Variants in PITRM1 observed in about 807,000 individuals in gnomAD.
The protein encoded by PITRM1 is pitrilysin metallopeptidase 1.
In PITRM1, 100 loss-of-function variants were observed where a neutral mutation model predicts 129.9. The observed-to-expected ratio is 0.77, with a 90% confidence interval of 0.65 to 0.91. The LOEUF is 0.91. Ranked by LOEUF, PITRM1 falls within the 40% of genes least tolerant of loss-of-function variation. The probability of loss-of-function intolerance (pLI) is 0.00; values close to 1 mark genes in which losing one functional copy is unlikely to be tolerated. For synonymous variants in PITRM1, 591 were observed against 508.8 expected (o/e 1.16, Z -2.17); for missense variants, 1,471 against 1,318.3 (o/e 1.12, Z -1.79).
rs568347765 is a variant in PITRM1, at chr10:3,139,074, G to A, written c.2772-25C>T. ...CCTAGGAAACCCAGAGAAATAAACG[G>A]GCAAGCATTTTACCAGTGGACAAGT... On this transcript the variant is annotated intron_variant, in intron 24 of 26. Transcript: ENST00000224949. 12 of 1,609,352 alleles carry A rather than the reference G, an allele frequency of 7.5e-6. No homozygotes were observed. The East Asian group carries it at 2.7e-4, about 36-fold the overall frequency.
At chr10:3,139,714 T>C (rs532989033) in intron 24 of PITRM1, among the ~76,000 whole-genome samples, 1 of 152,194 alleles carries the variant, frequency 6.6e-6, no homozygotes, top group South Asian at 2.1e-4. Flanking sequence ...CCCAGGCTGG[T>C]GTGCAGTGGC....
rs114004201 is a variant in PITRM1, at chr10:3,142,612, G to A, written c.2645+777C>T. ...TGAACACAGCCAAGGGGCAGCCAGA[G>A]TTCGGAAGAAGGGGCTGGAGGGCCA... On this transcript the variant is annotated intron_variant, in intron 23 of 26. Transcript: ENST00000224949. 4.3e-3 allele frequency among the ~76,000 whole-genome samples: 648 copies of A among 152,374 alleles called. 5 individuals are homozygous for A. The highest frequency in any genetic ancestry group is 0.015 in the African/African-American group (630 of 41,594).
At chr10:3,159,499 G>A (rs933196671) in intron 9 of PITRM1, among the ~76,000 whole-genome samples, 18 of 152,230 alleles carry the variant, frequency 1.2e-4, no homozygotes, top group African/African-American at 2.2e-4. Context: ...ATATTTTGCC[G>A]AGGTGCATGT....
intron 6 of PITRM1, among the ~76,000 whole-genome samples, chr10:3,164,713 C>T (rs1191419769): frequency 6.6e-6 from 1 of 152,170 alleles, no homozygotes; most frequent in African/African-American, 2.4e-5. Flanking sequence ...TTAAAAAATA[C>T]TTATTCATTA....
intron 23 of PITRM1, chr10:3,142,883 G>A (rs1000626140): frequency 3.2e-5 from 5 of 158,012 alleles, no homozygotes; most frequent in African/African-American, 4.8e-5. Flanking sequence ...CCCAGGTCAG[G>A]CACCCCCCAC....
rs751838757 is a variant in PITRM1, at chr10:3,172,755, C to A, written c.18G>T (p.Gly6=). The change falls in exon 1 of 27, where the codon GGG becomes GGT. Residue 6 remains glycine, a synonymous_variant. Transcript: ENST00000224949. ...GCCTCAGCACACACAGGCCCTGCCG[C>A]CCGCCGCAGCGCCACATTGCGCATG... The part of the protein sequence containing the change: MWRCG[G]RQGLCVLRRL... 1.3e-6 allele frequency: 2 copies of A among 1,546,460 alleles called. No homozygotes were observed. The highest frequency in any genetic ancestry group is 1.4e-5 in the African/African-American group (1 of 72,868).
chr10:3,160,308 G>C lies in PITRM1; in HGVS notation c.814C>G (p.Pro272Ala). 6.2e-7 allele frequency: 1 copy of C among 1,612,612 alleles called. No individual in the cohort carries two copies. The highest frequency in any genetic ancestry group is 8.5e-7 in the Non-Finnish European group (1 of 1,178,682). Residue 272 changes from proline (P) to alanine (A), a missense_variant, in exon 8 of 27, where the codon CCA (proline) becomes GCA (alanine). By Grantham distance (27) the Pro-to-Ala change is conservative. Coordinates refer to ENST00000224949, the MANE Select transcript of PITRM1 (RefSeq NM_014889.4). ...NARFFTYGNF[P>A]LEQHLKQIHE... The stretch of plus-strand genomic sequence containing the variant: ...ATTTGTTTCAGATGCTGTTCTAATG[G>C]AAAATTACCGTACGTGAAGAACCTA...
At chr10:3,172,243 C>G (rs914601193) in intron 1 of PITRM1, 1 of 458,412 alleles carries the variant, frequency 2.2e-6, no homozygotes, top group Non-Finnish European at 4.4e-6. Context: ...CATTTTTTTC[C>G]CCATAAATTG....
intron 10 of PITRM1, among the ~76,000 whole-genome samples, 196 bp from the exon 11 acceptor site, chr10:3,158,349 A>C (rs1842146206): frequency 6.6e-6 from 1 of 152,218 alleles, no homozygotes; most frequent in African/African-American, 2.4e-5. Flanking sequence ...TTAAAAATAA[A>C]ATTTAAACTT....
intron 3 of PITRM1, 132 bp downstream of exon 3, chr10:3,166,804 G>A (rs1407877705): frequency 1.7e-6 from 1 of 575,294 alleles, no homozygotes; most frequent in East Asian, 2.9e-5. Context: ...GCTGTCCTTA[G>A]TGTTAGTGTA....
chr10:3,147,487 T>C, intron 19 of PITRM1, 85 bp downstream of exon 19: 1 of 1,405,084 alleles, frequency 7.1e-7, no homozygotes, highest in South Asian at 1.2e-5. Flanking sequence ...TTCTGGGACA[T>C]AAATTAATGT....
intron 1 of PITRM1, among the ~76,000 whole-genome samples, chr10:3,171,171 A>AAAAAAAAAAAAAAAAAAAAAAAAAAAAC: frequency 7.2e-6 from 1 of 139,508 alleles, no homozygotes; most frequent in Non-Finnish European, 1.5e-5. Flanking sequence ...AAAAAAAAAA[A>AAAAAAAAAAAAAAAAAAAAAAAAAAAAC]AAAAAAAAAA....
chr10:3,159,264 C>G (rs1336466506), intron 9 of PITRM1, among the ~76,000 whole-genome samples: 1 of 152,222 alleles, frequency 6.6e-6, no homozygotes, highest in Non-Finnish European at 1.5e-5. Flanking sequence ...GAAATGCTCA[C>G]CATGGGACAG....
Position 3,158,099 on chromosome 10 carries a change from C to T in PITRM1, c.1191G>A (p.Ala397=), listed in dbSNP as rs1282423089. The T allele has an allele frequency of 5.0e-6, 8 of 1,612,092 alleles. No individual in the cohort carries two copies. The highest frequency in any genetic ancestry group is 2.2e-5 in the East Asian group (1 of 44,864). Residue 397 remains alanine, a synonymous_variant, in exon 11 of 27, where the codon GCG becomes GCA. Transcript: ENST00000224949. ...AYFSVGLQGI[A]EKDIETVRSL... Reference sequence around the variant, plus strand: ...TTCTGACGGTCTCAATGTCTTTCTCCGCAATCCCTTGGAGGCCGACACTAA... The same window carrying T: ...TTCTGACGGTCTCAATGTCTTTCTCTGCAATCCCTTGGAGGCCGACACTAA...
At position 3,145,700 on chromosome 10, in the gene PITRM1, T is replaced by A. The variant is rs1840784799; in HGVS notation, c.2353A>T (p.Thr785Ser). Residue 785 changes from threonine (T) to serine (S), a missense_variant, in exon 21 of 27, where the codon ACT (threonine) becomes TCT (serine). Transcript: ENST00000224949. ...TCTGTCTGAGGCATCTGCTGAGGAG[T>A]CGCATTCACTGAACACCTGTTTGAA... ...GDNMRCSVNA[T>S]PQQMPQTEKA... 2.6e-6 allele frequency: 4 copies of A among 1,550,156 alleles called. No individual in the cohort carries two copies. In the South Asian group the frequency reaches 3.6e-5, roughly 14 times the overall value.
intron 12 of PITRM1, 60 bp from the exon 13 acceptor site, chr10:3,157,124 C>T (rs1352269273): frequency 6.7e-7 from 1 of 1,491,088 alleles, no homozygotes; most frequent in African/African-American, 1.4e-5. Flanking sequence ...CCTCCACCAA[C>T]AGCCCAGACT....
intron 14 of PITRM1, among the ~76,000 whole-genome samples, chr10:3,153,523 G>C (rs1841700125): frequency 6.6e-6 from 1 of 152,096 alleles, no homozygotes; most frequent in Non-Finnish European, 1.5e-5. Flanking sequence ...GGAGGCTGAG[G>C]CGAGAAAATG....
In PITRM1 at chr10:3,138,172, C is replaced by G. The variant is rs754453865; in HGVS notation, c.3021-48G>C. On this transcript the variant is annotated intron_variant, in intron 26 of 26. Transcript: ENST00000224949. Reference sequence around the variant, plus strand: ...CAGCAAGGACTGGCTTCTGCGTGAGCGCTGTTAGAGTCAGCACGAGGGCTT... The same window carrying G: ...CAGCAAGGACTGGCTTCTGCGTGAGGGCTGTTAGAGTCAGCACGAGGGCTT... The G allele has an allele frequency of 2.5e-6, 4 of 1,568,782 alleles. No homozygotes were observed. In the South Asian group the frequency reaches 4.5e-5, roughly 18 times the overall value.
chr10:3,138,462 G>A, intron 25 of PITRM1, 125 bp from the exon 26 acceptor site: 4 of 709,630 alleles, frequency 5.6e-6, no homozygotes, highest in Non-Finnish European at 7.5e-6. Flanking sequence ...TTCAACCACA[G>A]GGATGTGTCT....
Sources: allele counts gnomAD v4.1 joint callset (sites outside exome capture counted in the v4.1 genomes callset), GRCh38; gene constraint gnomAD v4.1.1; transcripts MANE v1.5; gene names NCBI Gene and HGNC (gene_info 2026-07-23, HGNC 2026-07-21).